Variants in AUTS2 observed in about 807,000 individuals in gnomAD.
AUTS2 encodes the protein autism susceptibility gene 2 protein.
AUTS2 carries 17 observed loss-of-function variants against 112.4 expected under a neutral mutation model. That is an observed-to-expected ratio of 0.15 (90% CI 0.10 to 0.23). The LOEUF (loss-of-function observed/expected upper bound fraction) is 0.23, where lower values mean the gene tolerates loss of function less well. Ranked by LOEUF, AUTS2 falls within the 10% of genes least tolerant of loss-of-function variation. The probability of loss-of-function intolerance (pLI) is 1.00; values close to 1 mark genes in which losing one functional copy is unlikely to be tolerated. For missense variants in AUTS2, 1,510 were observed against 1,701.6 expected, an observed-to-expected ratio of 0.89 and a Z score of 1.98; for synonymous variants, 751 against 702.7, an observed-to-expected ratio of 1.07 and a Z score of -1.09.
At chr7:69,978,462 G>A (rs1475566466) in intron 2 of AUTS2, among the ~76,000 whole-genome samples, 1 of 152,106 alleles carries the variant, frequency 6.6e-6, no homozygotes, top group African/African-American at 2.4e-5. Context: ...TCAATCCAAC[G>A]AGATACTGAA....
At chr7:69,974,257 A>G (rs1584513108) in intron 2 of AUTS2, among the ~76,000 whole-genome samples, 1 of 150,348 alleles carries the variant, frequency 6.7e-6, no homozygotes, top group South Asian at 2.1e-4. Context: ...TGATGTCTGT[A>G]TAGTTATATT....
At chr7:69,614,965 C>G (rs1369640401) in intron 1 of AUTS2, among the ~76,000 whole-genome samples, 1 of 152,188 alleles carries the variant, frequency 6.6e-6, no homozygotes, top group Non-Finnish European at 1.5e-5. Flanking sequence ...AGACCCAAGT[C>G]AAAACATGTT....
In AUTS2 at chr7:70,361,121, G is replaced by A. The variant is rs376325490; in HGVS notation, c.661-74631G>A. Among the ~76,000 whole-genome samples, 5 of 152,100 alleles carry A rather than the reference G, an allele frequency of 3.3e-5. No homozygotes were observed. In the South Asian group the frequency reaches 6.2e-4, roughly 19 times the overall value. On this transcript the variant is annotated intron_variant, in intron 4 of 18. Coordinates refer to ENST00000342771, the MANE Select transcript of AUTS2 (RefSeq NM_015570.4). ...AGCACTTTGGGAGGCCGAGGTGGGC[G>A]GATCATGAGGTCAGGAGATCAAAAC...
chr7:70,307,761 A>G (rs1284656021), intron 4 of AUTS2, among the ~76,000 whole-genome samples: 2 of 152,198 alleles, frequency 1.3e-5, no homozygotes, highest in African/African-American at 4.8e-5. Flanking sequence ...ACTAAAAGCA[A>G]TTTCAGATCT....
intron 4 of AUTS2, among the ~76,000 whole-genome samples, chr7:70,269,186 A>G (rs1418473931): frequency 1.3e-5 from 2 of 152,136 alleles, no homozygotes; most frequent in African/African-American, 4.8e-5. Flanking sequence ...TCAGGTTTCT[A>G]TCAATCCTCT....
intron 5 of AUTS2, among the ~76,000 whole-genome samples, chr7:70,563,846 C>T (rs1357399174): frequency 1.3e-5 from 2 of 152,156 alleles, no homozygotes; most frequent in Admixed American, 1.3e-4. Flanking sequence ...GATCAATGAT[C>T]TTCACTTATT....
At chr7:70,755,284 A>T (rs1037311606) in intron 6 of AUTS2, among the ~76,000 whole-genome samples, 4 of 151,674 alleles carry the variant, frequency 2.6e-5, no homozygotes, top group African/African-American at 9.7e-5. Context: ...TTTTAAACAC[A>T]TGCACCATAT....
chr7:69,925,366 T>C (rs1200458929), intron 2 of AUTS2, among the ~76,000 whole-genome samples: 1 of 152,234 alleles, frequency 6.6e-6, no homozygotes, highest in Non-Finnish European at 1.5e-5. Flanking sequence ...TCTCTTCTAA[T>C]ATAGCCTTTT....
chr7:70,646,493 A>G (rs1444591020), intron 5 of AUTS2, among the ~76,000 whole-genome samples: 1 of 152,230 alleles, frequency 6.6e-6, no homozygotes, highest in East Asian at 1.9e-4. Context: ...GAGGCCATTC[A>G]ACTGCCAGGT....
In AUTS2 at chr7:69,914,325, GCACACA is replaced by G. The variant is rs1191532706; in HGVS notation, c.522+14832_522+14837del. Among the ~76,000 whole-genome samples, 1,200 of 127,408 alleles carry G rather than the reference GCACACA, an allele frequency of 9.4e-3. 21 individuals carry two copies. The highest frequency in any genetic ancestry group is 0.035 in the African/African-American group (1,127 of 32,084). 83.6% of individuals were successfully genotyped at this position (127,408 alleles called of 152,430 possible). ...CAACTTTAATTGGCTACAAAAAAAAGCACACACACAGACACAGACACACACACACAG... is the reference window on the plus strand; with the variant it reads ...CAACTTTAATTGGCTACAAAAAAAAGCACAGACACAGACACACACACACAG... On this transcript the variant is annotated intron_variant, in intron 2 of 18. Coordinates refer to ENST00000342771, the MANE Select transcript of AUTS2 (RefSeq NM_015570.4).
chr7:69,648,785 G>T (rs909094542), intron 1 of AUTS2, among the ~76,000 whole-genome samples: 1 of 152,184 alleles, frequency 6.6e-6, no homozygotes, highest in Admixed American at 6.5e-5. Context: ...TGCCTTTCTT[G>T]TGGGATTTTG....
chr7:70,731,663 T>C (rs1158839507), intron 6 of AUTS2, among the ~76,000 whole-genome samples: 1 of 151,810 alleles, frequency 6.6e-6, no homozygotes, highest in African/African-American at 2.4e-5. Flanking sequence ...TCTCCTGACC[T>C]TGTGATCCAC....
intron 2 of AUTS2, among the ~76,000 whole-genome samples, chr7:69,949,590 A>C (rs564253425): frequency 3.3e-5 from 5 of 152,252 alleles, no homozygotes; most frequent in Non-Finnish European, 7.3e-5. Flanking sequence ...TGAAGCCACT[A>C]TCAGATATAT....
intron 1 of AUTS2, among the ~76,000 whole-genome samples, chr7:69,805,672 G>A (rs894840206): frequency 1.3e-5 from 2 of 152,290 alleles, no homozygotes; most frequent in African/African-American, 4.8e-5. Context: ...TTCTGAGGCT[G>A]GGAGTTCTAA....
intron 14 of AUTS2, among the ~76,000 whole-genome samples, chr7:70,779,469 T>C (rs1007404404): frequency 6.6e-6 from 1 of 152,200 alleles, no homozygotes; most frequent in African/African-American, 2.4e-5. Context: ...TGTGCCCTCT[T>C]AATGGGTGGT....
chr7:70,031,521 C>T (rs543855701), intron 2 of AUTS2, among the ~76,000 whole-genome samples: 1 of 152,248 alleles, frequency 6.6e-6, no homozygotes, highest in East Asian at 1.9e-4. Context: ...GCTTGAGAAA[C>T]ATTTTCTGCT....
At chr7:69,866,638 C>CTTTGCT (rs1429086073) in intron 1 of AUTS2, among the ~76,000 whole-genome samples, 22 of 152,130 alleles carry the variant, frequency 1.4e-4, no homozygotes, top group African/African-American at 5.3e-4. Flanking sequence ...ACAGAGCAAG[C>CTTTGCT]AAAGTTCTGG....
At chr7:70,424,390 G>T (rs1282590533) in intron 4 of AUTS2, among the ~76,000 whole-genome samples, 1 of 152,136 alleles carries the variant, frequency 6.6e-6, no homozygotes, top group Non-Finnish European at 1.5e-5. Context: ...TCTTTGTATA[G>T]CCTGAGAGAG....
At chr7:69,645,024 T>A (rs1020863249) in intron 1 of AUTS2, among the ~76,000 whole-genome samples, 5 of 151,800 alleles carry the variant, frequency 3.3e-5, no homozygotes, top group African/African-American at 7.3e-5. Context: ...TCCTCCTGCC[T>A]CAGCTACCTG....
Sources: allele counts gnomAD v4.1 joint callset (sites outside exome capture counted in the v4.1 genomes callset), GRCh38; gene constraint gnomAD v4.1.1; transcripts MANE v1.5; gene names NCBI Gene and HGNC (gene_info 2026-07-23, HGNC 2026-07-21).